Variants in PPP1R37 observed in about 807,000 individuals in gnomAD.
PPP1R37 encodes the protein protein phosphatase 1 regulatory subunit 37.
PPP1R37 carries 21 observed loss-of-function variants against 61.0 expected under a neutral mutation model. The observed-to-expected ratio is 0.34, with a 90% CI of 0.24 to 0.50. PPP1R37 has a LOEUF of 0.50. Among genes scored for constraint, PPP1R37 ranks in the 20% least tolerant of loss-of-function variants. The pLI is 0.98. For missense variants in PPP1R37, 910 were observed against 952.7 expected, an observed-to-expected ratio of 0.96 and a Z score of 0.59; for synonymous variants, 443 against 433.5, an observed-to-expected ratio of 1.02 and a Z score of -0.27.
intron 2 of PPP1R37, 59 bp from the exon 3 acceptor site, chr19:45,140,177 G>T: frequency 7.0e-7 from 1 of 1,437,474 alleles, no homozygotes; most frequent in South Asian, 1.2e-5. Context: ...GCCATTTGGG[G>T]CCTCGGCTGC....
intron 5 of PPP1R37, 43 bp downstream of exon 5, chr19:45,141,484 C>A (rs201839644): frequency 1.3e-6 from 1 of 751,644 alleles, no homozygotes. Flanking sequence ...CTCAGGCTCC[C>A]AGCACGGGGA....
chr19:45,099,825 G>A (rs1968039971), intron 1 of PPP1R37, among the ~76,000 whole-genome samples: 1 of 152,176 alleles, frequency 6.6e-6, no homozygotes, highest in South Asian at 2.1e-4. Context: ...CTTTTTTTGT[G>A]GTAGTTAATC....
intron 1 of PPP1R37, among the ~76,000 whole-genome samples, chr19:45,131,674 G>A (rs528558478): frequency 6.6e-5 from 10 of 152,226 alleles, no homozygotes; most frequent in Admixed American, 2.0e-4. Context: ...GATTGCTGGA[G>A]CCTGGGAGTT....
chr19:45,143,585 G>A lies in PPP1R37; in HGVS notation c.939G>A (p.Trp313Ter), dbSNP rs1244240571. 1 of 1,535,828 alleles carries A rather than the reference G, an allele frequency of 6.5e-7. No individual in the cohort carries two copies. The change falls in exon 8 of 13, where the codon TGG (tryptophan) becomes TGA (stop). Residue 313 changes from tryptophan to a stop codon, truncating the protein, a stop_gained. Coordinates refer to ENST00000221462, the MANE Select transcript of PPP1R37 (RefSeq NM_019121.2). LOFTEE classifies it high-confidence loss of function. ...AGGGGCTGGTGACCCTGGTGCTGTG[G>A]AACAACCAGCTCACGCACACAGGCA... ...QRKGLVTLVL[W>*]NNQLTHTGMA...
rs1295955837 is a variant in PPP1R37, at chr19:45,130,871, G to A, written c.203-7643G>A. 6.6e-6 allele frequency among the ~76,000 whole-genome samples: 1 copy of A among 152,112 alleles called. No homozygotes were observed. The highest frequency in any genetic ancestry group is 2.4e-5 in the African/African-American group (1 of 41,416). ...CCCTAAATATTCCTGCTCCAGGCTTGTCTGGACTTCCTCCCTCCCCATCCC... is the reference window on the plus strand; with the variant it reads ...CCCTAAATATTCCTGCTCCAGGCTTATCTGGACTTCCTCCCTCCCCATCCC... On this transcript the variant is annotated intron_variant, in intron 1 of 12. Coordinates refer to ENST00000221462, the MANE Select transcript of PPP1R37 (RefSeq NM_019121.2). The surrounding 1 kb of genome is among the most constrained non-coding windows in gnomAD (Gnocchi z 4.4).
Position 45,093,528 on chromosome 19 carries a change from G to A in PPP1R37, c.202+1G>A. On this transcript the variant is annotated splice_donor_variant, in intron 1 of 12. Transcript: ENST00000221462. LOFTEE classifies it high-confidence loss of function. ...GAGCCCAAAGACCCCTGGAGACATG[G>A]TAGCTACCGCGGGTGAAGCGGGGGC... The A allele has an allele frequency of 6.5e-7, 1 of 1,532,862 alleles. No individual in the cohort carries two copies. The highest frequency in any genetic ancestry group is 8.7e-7 in the Non-Finnish European group (1 of 1,144,968). 95.0% of individuals were successfully genotyped at this position (1,532,862 alleles called of 1,614,324 possible).
At chr19:45,097,940 G>A (rs1024034693) in intron 1 of PPP1R37, among the ~76,000 whole-genome samples, 5 of 152,192 alleles carry the variant, frequency 3.3e-5, no homozygotes, top group Non-Finnish European at 7.3e-5. Context: ...GCGTGGGGAT[G>A]CCAGTGGGGC....
intron 1 of PPP1R37, among the ~76,000 whole-genome samples, chr19:45,120,014 C>CTTTTTTTTTGTTTTTTTTTT (rs1968320205): frequency 1.2e-5 from 1 of 83,602 alleles, no homozygotes; most frequent in Non-Finnish European, 2.4e-5. Flanking sequence ...TTTTCCCCTT[C>CTTTTTTTTTGTTTTTTTTTT]TTTTTTTTTT....
chr19:45,145,647 C>T lies in PPP1R37; in HGVS notation c.1591C>T (p.Leu531=). Residue 531 remains leucine, a synonymous_variant, in exon 11 of 13, where the codon CTG becomes TTG. Coordinates refer to ENST00000221462, the MANE Select transcript of PPP1R37 (RefSeq NM_019121.2). The stretch of plus-strand genomic sequence containing the variant: ...GAGGGACGAGACCCCCTGTCCTGCC[C>T]TGGTGCCCCCCACGGACTCCCTGGG... The part of the protein sequence containing the change: ...GERDETPCPA[L]VPPTDSLGPG... The T allele has an allele frequency of 3.9e-6, 6 of 1,535,750 alleles. No homozygotes were observed. Among genetic ancestry groups the T allele is most frequent in the Non-Finnish European group, 4.4e-6 (5 of 1,146,680 alleles).
intron 3 of PPP1R37, 49 bp downstream of exon 3, chr19:45,140,330 G>C (rs1341000241): frequency 6.6e-7 from 1 of 1,515,984 alleles, no homozygotes; most frequent in Non-Finnish European, 8.9e-7. Flanking sequence ...GGGCAGGTCG[G>C]GGGCTCCCTA....
At chr19:45,131,922 G>T (rs1456568074) in intron 1 of PPP1R37, among the ~76,000 whole-genome samples, 1 of 152,160 alleles carries the variant, frequency 6.6e-6, no homozygotes, top group East Asian at 1.9e-4. Context: ...CGACCCCACA[G>T]GTGTCCCTTT....
At chr19:45,138,466 G>A (rs1968566051) in intron 1 of PPP1R37, 48 bp from the exon 2 acceptor site, 2 of 1,377,456 alleles carry the variant, frequency 1.5e-6, no homozygotes, top group East Asian at 2.5e-5. Flanking sequence ...GCCCCATGAA[G>A]GACTCGGGGT....
At chr19:45,118,499 TG>T (rs144328302) in intron 1 of PPP1R37, among the ~76,000 whole-genome samples, 14,207 of 152,188 alleles carry the variant, frequency 0.093, 772 homozygotes, top group South Asian at 0.13. Context: ...TGTCTTGGGT[TG>T]GGGGTCCCGG....
chr19:45,098,938 A>G (rs1312000135), intron 1 of PPP1R37, among the ~76,000 whole-genome samples: 2 of 152,140 alleles, frequency 1.3e-5, no homozygotes, highest in Non-Finnish European at 2.9e-5. Context: ...CCTGCCACTG[A>G]GCAGCCACGT....
intron 1 of PPP1R37, among the ~76,000 whole-genome samples, chr19:45,133,541 A>T (rs966776368): frequency 6.6e-6 from 1 of 152,154 alleles, no homozygotes; most frequent in African/African-American, 2.4e-5. Flanking sequence ...ACCACTGCGC[A>T]GCCCTTCCCT....
Position 45,093,213 on chromosome 19 carries a change from G to T in PPP1R37, c.-113G>T. 3.5e-6 allele frequency: 3 copies of T among 868,000 alleles called. No individual in the cohort carries two copies. Among genetic ancestry groups the T allele is most frequent in the Non-Finnish European group, 4.7e-6 (3 of 632,690 alleles). 53.8% of individuals were successfully genotyped at this position (868,000 alleles called of 1,614,324 possible). A position where few individuals can be genotyped will look rare whatever the true frequency, so the allele number is the denominator to read the frequency against. On this transcript the variant is annotated 5_prime_UTR_variant, in exon 1 of 13. Transcript: ENST00000221462. ...GACCACTAGGAGAGCGGACGGAGGCGGCGCCTGAAGCGGCGGCGGAGCCCA... is the reference window on the plus strand; with the variant it reads ...GACCACTAGGAGAGCGGACGGAGGCTGCGCCTGAAGCGGCGGCGGAGCCCA...
chr19:45,132,294 C>T (rs1284682984), intron 1 of PPP1R37, among the ~76,000 whole-genome samples: 2 of 151,990 alleles, frequency 1.3e-5, no homozygotes, highest in East Asian at 3.9e-4. Flanking sequence ...AGCTAAGGAG[C>T]AGTTACGTAT....
At position 45,142,378 on chromosome 19, in the gene PPP1R37, C is replaced by T. The variant is rs781192336; in HGVS notation, c.794C>T (p.Ser265Leu). Residue 265 changes from serine (S) to leucine (L), a missense_variant, in exon 7 of 13, where the codon TCG becomes TTG. Ser to Leu is a moderately radical substitution (Grantham distance 145). Coordinates refer to ENST00000221462, the MANE Select transcript of PPP1R37 (RefSeq NM_019121.2). The part of the protein sequence containing the change: ...ADNKLNGLQD[S>L]AQLGNLLKFN... Reference sequence around the variant, plus strand: ...AACAAGCTCAACGGCCTGCAGGACTCGGCCCAGCTGGGTAACCTGCTCAAG... The same window carrying T: ...AACAAGCTCAACGGCCTGCAGGACTTGGCCCAGCTGGGTAACCTGCTCAAG... 2.3e-5 allele frequency: 36 copies of T among 1,535,992 alleles called. No homozygotes were observed. The highest frequency in any genetic ancestry group is 3.1e-5 in the Non-Finnish European group (35 of 1,146,928).
intron 12 of PPP1R37, 22 bp downstream of exon 12, chr19:45,146,502 A>G (rs1968703244): frequency 6.7e-7 from 1 of 1,495,578 alleles, no homozygotes; most frequent in Non-Finnish European, 9.0e-7. Context: ...CCCGGGGCCC[A>G]CAGCACTCGG....
Sources: gnomAD v4.1 joint callset for allele counts (sites outside exome capture counted in the v4.1 genomes callset) on GRCh38, gnomAD v4.1.1 for gene constraint, Gnocchi (gnomAD v3.1) non-coding constraint, MANE v1.5 for transcripts, NCBI Gene and HGNC (gene_info 2026-07-23, HGNC 2026-07-21) for gene names.